Variants in HS6ST3 observed in about 807,000 individuals in gnomAD.
HS6ST3 encodes heparan sulfate 6-O-sulfotransferase 3, also known as heparan-sulfate 6-O-sulfotransferase 3.
In HS6ST3, 12 loss-of-function variants were observed where a neutral mutation model predicts 36.7. That is an observed-to-expected ratio of 0.33 (90% CI 0.21 to 0.53). The LOEUF (loss-of-function observed/expected upper bound fraction) is 0.53, where lower values mean the gene tolerates loss of function less well. HS6ST3 is among the 20% of genes least tolerant of loss of function. The probability of loss-of-function intolerance (pLI) is 0.95; values close to 1 mark genes in which losing one functional copy is unlikely to be tolerated. For missense variants in HS6ST3, 584 were observed against 640.9 expected (o/e 0.91, Z 0.96); for synonymous variants, 240 against 257.5 (o/e 0.93, Z 0.65).
rs568256580 is a variant in HS6ST3, at chr13:96,802,694, C to T, written c.708-29796C>T. On this transcript the variant is annotated intron_variant, in intron 1 of 1. Transcript: ENST00000376705. ...AGTTTTCTCCTTGGAAACAAGTTGC[C>T]CAAGCTATATAATCTCTGATCGTAA... Among the ~76,000 whole-genome samples, 183 of 152,224 alleles carry T rather than the reference C, an allele frequency of 1.2e-3. 1 individual carries two copies. The highest frequency in any genetic ancestry group is 4.2e-3 in the African/African-American group (175 of 41,536).
intron 1 of HS6ST3, among the ~76,000 whole-genome samples, chr13:96,804,053 G>T (rs1878142866): frequency 6.6e-6 from 1 of 151,804 alleles, no homozygotes; most frequent in Admixed American, 6.6e-5. Context: ...TCTGGGGGTA[G>T]CATCTAAAAC....
chr13:96,648,243 A>G (rs1008754811), intron 1 of HS6ST3, among the ~76,000 whole-genome samples: 3 of 152,024 alleles, frequency 2.0e-5, no homozygotes, highest in African/African-American at 7.2e-5. Flanking sequence ...TTGTAGTTAC[A>G]CCTCAAATAT....
intron 1 of HS6ST3, among the ~76,000 whole-genome samples, chr13:96,229,678 G>A (rs1486313043): frequency 6.6e-6 from 1 of 152,182 alleles, no homozygotes; most frequent in Non-Finnish European, 1.5e-5. Flanking sequence ...ATATAAGTTT[G>A]GGGGTCACAA....
At chr13:96,161,357 G>T (rs180939759) in intron 1 of HS6ST3, among the ~76,000 whole-genome samples, 56 of 152,270 alleles carry the variant, frequency 3.7e-4, no homozygotes, top group Admixed American at 2.0e-3. Context: ...TGAATGGGAC[G>T]TGGAAGTGAA....
intron 1 of HS6ST3, among the ~76,000 whole-genome samples, chr13:96,210,975 A>T (rs1274468188): frequency 6.6e-6 from 1 of 151,048 alleles, no homozygotes; most frequent in East Asian, 1.9e-4. Flanking sequence ...TCTGTTGCCC[A>T]GGCTGGAGTG....
At chr13:96,458,024 T>C (rs1431023418) in intron 1 of HS6ST3, among the ~76,000 whole-genome samples, 1 of 152,126 alleles carries the variant, frequency 6.6e-6, no homozygotes, top group Non-Finnish European at 1.5e-5. Context: ...CATGTAGTTT[T>C]AGGAACCGGG....
chr13:96,218,487 G>A (rs1361009394), intron 1 of HS6ST3, among the ~76,000 whole-genome samples: 3 of 152,210 alleles, frequency 2.0e-5, no homozygotes, highest in Non-Finnish European at 4.4e-5. Context: ...TAATCTGTCT[G>A]TTTCCAGGAT....
chr13:96,524,071 A>G (rs1040237660), intron 1 of HS6ST3, among the ~76,000 whole-genome samples: 2 of 152,066 alleles, frequency 1.3e-5, no homozygotes, highest in African/African-American at 4.8e-5. Context: ...GTTGATGTTG[A>G]TGCTATTCCT....
chr13:96,759,991 G>GA (rs1876925318), intron 1 of HS6ST3, among the ~76,000 whole-genome samples: 1 of 150,120 alleles, frequency 6.7e-6, no homozygotes, highest in Admixed American at 6.7e-5. Context: ...CTTAGGACAT[G>GA]TTTTTTTTTG....
intron 1 of HS6ST3, among the ~76,000 whole-genome samples, chr13:96,664,357 C>T (rs2056656340): frequency 6.6e-6 from 1 of 152,140 alleles, no homozygotes. Context: ...TCATCGTCAT[C>T]ACTGTAATTT....
chr13:96,229,385 G>C (rs138314074), intron 1 of HS6ST3, among the ~76,000 whole-genome samples: 168 of 152,260 alleles, frequency 1.1e-3, no homozygotes, highest in African/African-American at 3.7e-3. Context: ...TTAAAAAACA[G>C]GCACTTATCT....
At chr13:96,800,000 A>ATATATATATATGTGTATATATATATG (rs1439454258) in intron 1 of HS6ST3, among the ~76,000 whole-genome samples, 6 of 89,392 alleles carry the variant, frequency 6.7e-5, no homozygotes, top group African/African-American at 2.8e-4. Context: ...ATATATATGT[A>ATATATATATATGTGTATATATATATG]TATATATATA....
At chr13:96,201,796 T>C (rs1201287098) in intron 1 of HS6ST3, among the ~76,000 whole-genome samples, 1 of 152,246 alleles carries the variant, frequency 6.6e-6, no homozygotes, top group African/African-American at 2.4e-5. Flanking sequence ...CATTACATTT[T>C]TCAATATAAA....
At chr13:96,478,942 G>T (rs2055877030) in intron 1 of HS6ST3, among the ~76,000 whole-genome samples, 1 of 152,136 alleles carries the variant, frequency 6.6e-6, no homozygotes, top group African/African-American at 2.4e-5. Flanking sequence ...ACTGAGAAGG[G>T]AAACCAGGAG....
intron 1 of HS6ST3, among the ~76,000 whole-genome samples, chr13:96,140,504 C>T (rs1010113999): frequency 6.6e-6 from 1 of 152,282 alleles, no homozygotes; most frequent in South Asian, 2.1e-4. Context: ...AATGTAATGG[C>T]ACTAGTGATG....
At chr13:96,574,554 G>A in intron 1 of HS6ST3, 1 of 294,762 alleles carries the variant, frequency 3.4e-6, no homozygotes, top group South Asian at 5.7e-5. Context: ...ACCAATGGCT[G>A]TGACATCACT....
At chr13:96,205,049 G>GT (rs139220258) in intron 1 of HS6ST3, among the ~76,000 whole-genome samples, 7 of 151,462 alleles carry the variant, frequency 4.6e-5, no homozygotes, top group South Asian at 2.1e-4. Flanking sequence ...AAATCCAGGA[G>GT]TTTTTTTTGA....
chr13:96,802,083 T>A (rs576789013), intron 1 of HS6ST3, among the ~76,000 whole-genome samples: 1 of 152,210 alleles, frequency 6.6e-6, no homozygotes, highest in East Asian at 1.9e-4. Context: ...AGTTCTGACT[T>A]AAGAAAATTA....
chr13:96,543,337 G>C (rs888583884), intron 1 of HS6ST3, among the ~76,000 whole-genome samples: 2 of 152,138 alleles, frequency 1.3e-5, no homozygotes, highest in Non-Finnish European at 2.9e-5. Context: ...CATCCACTGG[G>C]TGATCACAGG....
Sources: gnomAD v4.1 joint callset for allele counts (sites outside exome capture counted in the v4.1 genomes callset) on GRCh38, gnomAD v4.1.1 for gene constraint, MANE v1.5 for transcripts, NCBI Gene and HGNC (gene_info 2026-07-23, HGNC 2026-07-21) for gene names.